Variants in CCDC178 observed in about 807,000 individuals in gnomAD.
The protein encoded by CCDC178 is coiled-coil domain-containing protein 178.
In CCDC178, 126 loss-of-function variants were observed where a neutral mutation model predicts 117.4. The observed-to-expected ratio is 1.07, with a 90% CI of 0.93 to 1.24. The LOEUF (loss-of-function observed/expected upper bound fraction) is 1.24, where lower values mean the gene tolerates loss of function less well. CCDC178 is among the 50% of genes most tolerant of loss of function. The pLI is 0.00. For missense variants in CCDC178, 1,030 were observed against 986.9 expected, an observed-to-expected ratio of 1.04 and a Z score of -0.59; for synonymous variants, 283 against 313.4, an observed-to-expected ratio of 0.90 and a Z score of 1.02.
At chr18:33,008,484 C>T (rs923672498) in intron 21 of CCDC178, among the ~76,000 whole-genome samples, 2 of 152,046 alleles carry the variant, frequency 1.3e-5, no homozygotes, top group African/African-American at 2.4e-5. Context: ...TTCCTCAGTT[C>T]TTCTCTAATT....
At chr18:33,350,793 T>G (rs1283257999) in intron 7 of CCDC178, among the ~76,000 whole-genome samples, 1 of 152,134 alleles carries the variant, frequency 6.6e-6, no homozygotes, top group Non-Finnish European at 1.5e-5. Flanking sequence ...TATCTTGCAG[T>G]CAAATTGCTG....
At position 33,300,333 on chromosome 18, in the gene CCDC178, T is replaced by G. The variant is rs1184622178; in HGVS notation, c.1023-7021A>C. 2.0e-5 allele frequency among the ~76,000 whole-genome samples: 3 copies of G among 152,192 alleles called. No individual in the cohort carries two copies. The East Asian group carries it at 5.8e-4, about 29-fold the overall frequency. On this transcript the variant is annotated intron_variant, in intron 11 of 22. Coordinates refer to ENST00000383096, the MANE Select transcript of CCDC178 (RefSeq NM_001105528.4). ...TTACCCAGTCTCAGGTATTTCTTTA[T>G]AGCAATGCAAAAATGGCTTAATAAA...
At chr18:33,317,446 C>A (rs571012934) in intron 11 of CCDC178, among the ~76,000 whole-genome samples, 1 of 152,130 alleles carries the variant, frequency 6.6e-6, no homozygotes, top group East Asian at 1.9e-4. Flanking sequence ...TAACACTCAC[C>A]GCAAGTGTCC....
chr18:33,392,965 A>G (rs1180954861), intron 4 of CCDC178, among the ~76,000 whole-genome samples: 1 of 152,252 alleles, frequency 6.6e-6, no homozygotes, highest in African/African-American at 2.4e-5. Context: ...AAGAAAATTA[A>G]TGCATCAGTC....
Position 33,153,685 on chromosome 18 carries a change from C to T in CCDC178, c.2238+58211G>A, listed in dbSNP as rs574177823. 2.6e-5 allele frequency among the ~76,000 whole-genome samples: 4 copies of T among 151,952 alleles called. No homozygotes were observed. The South Asian group carries it at 6.2e-4, about 24-fold the overall frequency. On this transcript the variant is annotated intron_variant, in intron 20 of 22. Transcript: ENST00000383096. The stretch of plus-strand genomic sequence containing the variant: ...TAAGAACAAAACAATTTAGAAGTCA[C>T]ATAAAAATACAAGAATTAGAAACAA...
intron 21 of CCDC178, among the ~76,000 whole-genome samples, chr18:33,046,809 C>CCCTA (rs1223199628): frequency 1.3e-5 from 2 of 151,982 alleles, no homozygotes; most frequent in African/African-American, 2.4e-5. Flanking sequence ...ACTACAGCAG[C>CCCTA]CCTACAGAAG....
chr18:33,093,118 T>G (rs180857971), intron 20 of CCDC178, among the ~76,000 whole-genome samples: 4 of 151,228 alleles, frequency 2.6e-5, no homozygotes, highest in South Asian at 4.2e-4. Context: ...TTGATGCAGG[T>G]TTTTTTTTAA....
chr18:32,985,596 G>A (rs980363932), intron 21 of CCDC178, among the ~76,000 whole-genome samples: 1 of 151,758 alleles, frequency 6.6e-6, no homozygotes, highest in African/African-American at 2.4e-5. Context: ...AAATATTATC[G>A]AATATATTTA....
intron 20 of CCDC178, among the ~76,000 whole-genome samples, chr18:33,197,308 TGC>T (rs528026670): frequency 1.3e-5 from 2 of 152,114 alleles, no homozygotes; most frequent in Non-Finnish European, 2.9e-5. Context: ...AGATTGCAGG[TGC>T]GAGCCACCGC....
rs952816537 is a variant in CCDC178, at chr18:33,093,397, G to A, written c.2239-487C>T. Among the ~76,000 whole-genome samples, 4 of 152,020 alleles carry A rather than the reference G, an allele frequency of 2.6e-5. No individual in the cohort carries two copies. The Admixed American group carries it at 2.6e-4, about 10-fold the overall frequency. Reference sequence around the variant, plus strand: ...ACCCACAGAAAACATTAAAAACATAGATGAGGAAAGAGTAAAAGACAAAGA... The same window carrying A: ...ACCCACAGAAAACATTAAAAACATAAATGAGGAAAGAGTAAAAGACAAAGA... On this transcript the variant is annotated intron_variant, in intron 20 of 22. Coordinates refer to ENST00000383096, the MANE Select transcript of CCDC178 (RefSeq NM_001105528.4).
chr18:32,940,336 TCAA>T (rs1453587350), intron 22 of CCDC178, among the ~76,000 whole-genome samples: 1 of 152,068 alleles, frequency 6.6e-6, no homozygotes, highest in Admixed American at 6.6e-5. Context: ...TTAACTTTTA[TCAA>T]CTTTTCTTTT....
intron 20 of CCDC178, among the ~76,000 whole-genome samples, chr18:33,116,465 A>G (rs963518596): frequency 6.6e-6 from 1 of 152,176 alleles, no homozygotes; most frequent in African/African-American, 2.4e-5. Context: ...ATCATCTCAC[A>G]GTTCTGTAGG....
At chr18:33,128,744 C>T (rs778401897) in intron 20 of CCDC178, among the ~76,000 whole-genome samples, 1 of 152,166 alleles carries the variant, frequency 6.6e-6, no homozygotes, top group South Asian at 2.1e-4. Flanking sequence ...GGAGAGAAAT[C>T]AGTGACTAAC....
chr18:32,984,064 A>G lies in CCDC178; in HGVS notation c.2389-9383T>C, dbSNP rs150009203. Among the ~76,000 whole-genome samples, 204 of 152,104 alleles carry G rather than the reference A, an allele frequency of 1.3e-3. 1 individual carries two copies. The highest frequency in any genetic ancestry group is 4.7e-3 in the African/African-American group (194 of 41,546). On this transcript the variant is annotated intron_variant, in intron 21 of 22. Coordinates refer to ENST00000383096, the MANE Select transcript of CCDC178 (RefSeq NM_001105528.4). The stretch of plus-strand genomic sequence containing the variant: ...TATTACCAAATCCATTTCACAGACT[A>G]GTGTTAAAGATCACATAGCTCATTT...
chr18:32,942,172 G>A (rs1275432960), intron 22 of CCDC178, among the ~76,000 whole-genome samples: 1 of 152,056 alleles, frequency 6.6e-6, no homozygotes, highest in Non-Finnish European at 1.5e-5. Flanking sequence ...CCAGTGTTTT[G>A]GAAGGGTAAG....
At chr18:33,008,233 A>G (rs1037013743) in intron 21 of CCDC178, among the ~76,000 whole-genome samples, 1 of 152,120 alleles carries the variant, frequency 6.6e-6, no homozygotes, top group Non-Finnish European at 1.5e-5. Context: ...GCAGGTTTGC[A>G]TATCTCAAAC....
chr18:33,117,397 G>A (rs940339651), intron 20 of CCDC178, among the ~76,000 whole-genome samples: 1 of 152,016 alleles, frequency 6.6e-6, no homozygotes, highest in Non-Finnish European at 1.5e-5. Flanking sequence ...AAGCTGACCT[G>A]GATACAGCCA....
chr18:33,279,320 C>G (rs2059992418), intron 12 of CCDC178, among the ~76,000 whole-genome samples: 3 of 151,570 alleles, frequency 2.0e-5, no homozygotes, highest in African/African-American at 7.3e-5. Context: ...AACAGACAAA[C>G]AGAGAGCCAA....
rs138306303 is a variant in CCDC178, at chr18:33,348,957, T to C, written c.390A>G (p.Thr130=). Residue 130 remains threonine (T), a synonymous_variant, in exon 8 of 23, where the codon ACA becomes ACG. Coordinates refer to ENST00000383096, the MANE Select transcript of CCDC178 (RefSeq NM_001105528.4). The part of the protein sequence containing the change: ...SFEEWSRTSS[T]KDLKEDWSVT... ...CACTCCAATCTTCTTTCAGGTCTTT[T>C]GTGGAAGAAGTTCTGCTCCTATATA... 3.1e-6 allele frequency: 5 copies of C among 1,608,868 alleles called. No individual in the cohort carries two copies. The highest frequency in any genetic ancestry group is 2.7e-5 in the African/African-American group (2 of 74,738).
Sources: gnomAD v4.1 joint callset for allele counts (sites outside exome capture counted in the v4.1 genomes callset) on GRCh38, gnomAD v4.1.1 for gene constraint, MANE v1.5 for transcripts, NCBI Gene and HGNC (gene_info 2026-07-23, HGNC 2026-07-21) for gene names.